Variants in IQCK observed in about 807,000 individuals in gnomAD.
IQCK encodes the protein IQ domain-containing protein K.
Under a neutral mutation model 28.1 loss-of-function variants are expected in IQCK, and 29 were observed. The observed-to-expected ratio is 1.03, with a 90% CI of 0.77 to 1.41. IQCK has a LOEUF of 1.41. IQCK is among the 40% of genes most tolerant of loss of function. The pLI, the probability that IQCK is intolerant of heterozygous loss-of-function variation, is 0.00. For synonymous variants in IQCK, 113 were observed against 115.1 expected (o/e 0.98, Z 0.12); for missense variants, 359 against 314.7 (o/e 1.14, Z -1.07).
At chr16:19,774,802 G>T (rs186582119) in intron 6 of IQCK, among the ~76,000 whole-genome samples, 1 of 152,186 alleles carries the variant, frequency 6.6e-6, no homozygotes, top group African/African-American at 2.4e-5. Flanking sequence ...CATGTTTCCC[G>T]TTTTCATGGA....
chr16:19,805,875 G>T (rs998714490), intron 7 of IQCK, among the ~76,000 whole-genome samples: 4 of 152,000 alleles, frequency 2.6e-5, no homozygotes, highest in South Asian at 4.2e-4. Context: ...GGGGTGGGGG[G>T]GCTAGGGAAT....
At chr16:19,737,379 G>A (rs569338621) in intron 4 of IQCK, among the ~76,000 whole-genome samples, 86 of 152,206 alleles carry the variant, frequency 5.7e-4, no homozygotes, top group African/African-American at 1.8e-3. Context: ...GCAAATACCC[G>A]ATGTTTCCTC....
chr16:19,759,725 C>T (rs73541499), intron 4 of IQCK, among the ~76,000 whole-genome samples: 3,515 of 152,218 alleles, frequency 0.023, 118 homozygotes, highest in African/African-American at 0.08. Flanking sequence ...TGTCTATAAT[C>T]CTAGCACTTT....
Position 19,733,856 on chromosome 16 carries a change from A to G in IQCK, c.376+29A>G, listed in dbSNP as rs138135784. ...AGTAAGAGAGATGCCATCTTTTATA[A>G]TTTGGGGCTTTTAACATTGCAGAAC... On this transcript the variant is annotated intron_variant, in intron 3 of 7. Coordinates refer to ENST00000564186, the Ensembl canonical transcript of IQCK. The G allele has an allele frequency of 1.0e-4, 168 of 1,613,154 alleles. 1 individual carries two copies. The East Asian group carries it at 3.7e-3, about 35-fold the overall frequency.
Position 19,751,094 on chromosome 16 carries a change from A to G in IQCK, c.475-12754A>G, listed in dbSNP as rs149458572. 1.1e-4 allele frequency among the ~76,000 whole-genome samples: 16 copies of G among 152,148 alleles called. No individual in the cohort carries two copies. In the East Asian group the frequency reaches 3.1e-3, roughly 29 times the overall value. ...GCTGTGAGCCTCAGTTTTCTTATCT[A>G]TTAAGTGGGGAAGTGATAATCATAG... is the stretch of plus-strand genomic sequence containing the variant. On this transcript the variant is annotated intron_variant, in intron 4 of 7. Transcript: ENST00000564186.
intron 9 of IQCK, among the ~76,000 whole-genome samples, chr16:19,834,839 C>T (rs892040807): frequency 3.3e-5 from 5 of 152,100 alleles, no homozygotes; most frequent in African/African-American, 1.2e-4. Context: ...GAAGTGAGTT[C>T]TACCATTAGT....
At chr16:19,850,980 C>T (rs552548434) in intron 9 of IQCK, among the ~76,000 whole-genome samples, 2 of 152,272 alleles carry the variant, frequency 1.3e-5, no homozygotes, top group East Asian at 3.9e-4. Context: ...CCCTGATTTG[C>T]ACCACTGCTT....
intron 4 of IQCK, among the ~76,000 whole-genome samples, chr16:19,762,923 G>T (rs2055170875): frequency 6.6e-6 from 1 of 152,152 alleles, no homozygotes; most frequent in Non-Finnish European, 1.5e-5. Context: ...GGCCGAGGTG[G>T]AAGGATCACT....
chr16:19,815,939 T>C (rs1276590358), intron 7 of IQCK, among the ~76,000 whole-genome samples: 2 of 152,236 alleles, frequency 1.3e-5, no homozygotes, highest in Non-Finnish European at 1.5e-5. Flanking sequence ...ATCATTAGTA[T>C]GTCACATCAT....
downstream of IQCK, among the ~76,000 whole-genome samples, chr16:19,829,710 CT>C (rs1474760022): frequency 6.6e-6 from 1 of 152,106 alleles, no homozygotes; most frequent in African/African-American, 2.4e-5. Context: ...ATGTGGAGTC[CT>C]TTAGGCCTGT....
chr16:19,785,091 A>G (rs2055544756), intron 6 of IQCK, among the ~76,000 whole-genome samples: 1 of 152,206 alleles, frequency 6.6e-6, no homozygotes, highest in Non-Finnish European at 1.5e-5. Context: ...TTGAATGGAG[A>G]TCAGAAGCAG....
chr16:19,770,194 A>G (rs1453611850), intron 6 of IQCK, among the ~76,000 whole-genome samples: 1 of 152,214 alleles, frequency 6.6e-6, no homozygotes, highest in Non-Finnish European at 1.5e-5. Context: ...ACCGAGGGGT[A>G]GCCCAGAGTT....
rs986295709 is a variant in IQCK, at chr16:19,763,783, C to G, written c.475-65C>G. On this transcript the variant is annotated intron_variant, in intron 4 of 7. Transcript: ENST00000564186. ...TGAAAAAAGTCATGTATAAGTAGAC[C>G]TGTGCAGTTCAAATCCATAGTGTTT... The G allele has an allele frequency of 3.8e-5, 46 of 1,213,360 alleles. No homozygotes were observed. The Admixed American group carries it at 7.6e-4, about 20-fold the overall frequency. The allele number at this position is 1,213,360 out of a possible 1,614,324, so 75.2% of individuals were successfully genotyped here. A position where few individuals can be genotyped will look rare whatever the true frequency, so the allele number is the denominator to read the frequency against.
At chr16:19,775,794 C>T (rs796261723) in intron 6 of IQCK, among the ~76,000 whole-genome samples, 4 of 130,704 alleles carry the variant, frequency 3.1e-5, no homozygotes, top group East Asian at 5.4e-4. Flanking sequence ...AAGCCAGTTG[C>T]GGGGGAGGCA....
At chr16:19,747,108 ATC>A (rs2054922485) in intron 4 of IQCK, among the ~76,000 whole-genome samples, 1 of 152,186 alleles carries the variant, frequency 6.6e-6, no homozygotes, top group Non-Finnish European at 1.5e-5. Context: ...CAAGACCCCT[ATC>A]TCTGCCAGCA....
intron 7 of IQCK, among the ~76,000 whole-genome samples, chr16:19,806,328 A>G (rs1040111556): frequency 7.3e-5 from 11 of 151,580 alleles, no homozygotes; most frequent in East Asian, 1.9e-4. Context: ...TTGCACCACT[A>G]TACTCCAGCC....
chr16:19,820,802 T>C (rs1347348921), intron 7 of IQCK, among the ~76,000 whole-genome samples: 2 of 151,920 alleles, frequency 1.3e-5, no homozygotes, highest in Non-Finnish European at 2.9e-5. Context: ...CCAAAACATA[T>C]AATAAACTCT....
intron 9 of IQCK, among the ~76,000 whole-genome samples, chr16:19,853,222 G>C (rs990492047): frequency 1.3e-4 from 20 of 152,132 alleles, no homozygotes; most frequent in Admixed American, 7.9e-4. Context: ...TGACCTAATT[G>C]TGTAGGGTGT....
intron 4 of IQCK, among the ~76,000 whole-genome samples, chr16:19,751,818 G>C (rs1348285465): frequency 6.6e-6 from 1 of 152,090 alleles, no homozygotes; most frequent in East Asian, 1.9e-4. Context: ...TGTGGGAGTA[G>C]AGTTTGTACA....
Sources: gnomAD v4.1 joint callset for allele counts (sites outside exome capture counted in the v4.1 genomes callset) on GRCh38, gnomAD v4.1.1 for gene constraint, MANE v1.5 for transcripts, NCBI Gene and HGNC (gene_info 2026-07-23, HGNC 2026-07-21) for gene names.